Variants in CNTNAP5 observed in about 807,000 individuals in gnomAD.
The protein encoded by CNTNAP5 is contactin-associated protein-like 5.
In CNTNAP5, 72 loss-of-function variants were observed where a neutral mutation model predicts 150.2. The observed-to-expected ratio is 0.48, with a 90% confidence interval of 0.40 to 0.58. CNTNAP5 has a LOEUF of 0.58. CNTNAP5 is among the 20% of genes least tolerant of loss of function. The probability of loss-of-function intolerance (pLI) is 0.00; values close to 1 mark genes in which losing one functional copy is unlikely to be tolerated. For missense variants in CNTNAP5, 1,636 were observed against 1,626.2 expected (o/e 1.01, Z -0.10); for synonymous variants, 672 against 619.8 (o/e 1.08, Z -1.25).
At position 124,417,528 on chromosome 2, in the gene CNTNAP5, C is replaced by T; in HGVS notation, c.467C>T (p.Pro156Leu). 4 of 1,613,780 alleles carry T rather than the reference C, an allele frequency of 2.5e-6. No individual in the cohort carries two copies. The highest frequency in any genetic ancestry group is 3.4e-6 in the Non-Finnish European group (4 of 1,179,828). Residue 156 changes from proline (P) to leucine (L), a missense_variant, in exon 4 of 24, where the codon CCC becomes CTC. Physicochemically the swap from Pro to Leu is moderately conservative, Grantham distance 98. Transcript: ENST00000682447. ...SVRARFVRFV[P>L]LEWNPSGKIG... ...AGAGCCCGATTTGTTCGCTTTGTGCCCCTGGAATGGAATCCCAGTGGGAAG... is the reference window on the plus strand; with the variant it reads ...AGAGCCCGATTTGTTCGCTTTGTGCTCCTGGAATGGAATCCCAGTGGGAAG...
At chr2:124,401,856 C>A (rs1691434321) in intron 3 of CNTNAP5, among the ~76,000 whole-genome samples, 1 of 152,296 alleles carries the variant, frequency 6.6e-6, no homozygotes, top group African/African-American at 2.4e-5. Flanking sequence ...GGAAGCTGGG[C>A]TTTTCTGCCT....
rs760363439 is a variant in CNTNAP5 at position 124,647,789 on chromosome 2, C to T, written c.1908C>T (p.Asn636=). The T allele has an allele frequency of 8.1e-6, 13 of 1,611,292 alleles. No individual in the cohort carries two copies. The highest frequency in any genetic ancestry group is 1.1e-5 in the Non-Finnish European group (13 of 1,178,194). Residue 636 remains asparagine (N), a synonymous_variant, in exon 13 of 24, where the codon AAC becomes AAT. Transcript: ENST00000682447. ...AGATCTGGACATCAGTGCAGCACAA[C>T]AATACAGAGCTGACCCGAGTGCGGG... ...EDKIWTSVQH[N]NTELTRVRGA... is the part of the protein sequence containing the mutation.
chr2:124,386,950 G>T (rs1169609813), intron 3 of CNTNAP5, among the ~76,000 whole-genome samples: 3 of 152,172 alleles, frequency 2.0e-5, no homozygotes, highest in Non-Finnish European at 4.4e-5. Flanking sequence ...ATAATCAGAA[G>T]CCAGAGGGCT....
At chr2:124,606,921 T>C (rs528344542) in intron 11 of CNTNAP5, among the ~76,000 whole-genome samples, 1 of 152,096 alleles carries the variant, frequency 6.6e-6, no homozygotes, top group Non-Finnish European at 1.5e-5. Context: ...CGAAACCATA[T>C]TAAAAACTCA....
chr2:124,707,535 C>G (rs888845937), intron 13 of CNTNAP5, among the ~76,000 whole-genome samples: 1 of 147,078 alleles, frequency 6.8e-6, no homozygotes, highest in Non-Finnish European at 1.6e-5. Flanking sequence ...TTCACATACT[C>G]CACCCATCGC....
rs1303571129 is a variant in CNTNAP5 at position 124,535,307 on chromosome 2, G to A, written c.1649+7851G>A. ...TGCTGTTCCTGCGGTCTTTGCCTTT[G>A]CATCCTATGGAGACTTTTCGCTGTA... On this transcript the variant is annotated intron_variant, in intron 10 of 23. Transcript: ENST00000682447. Among the ~76,000 whole-genome samples the A allele has an allele frequency of 3.3e-5, 5 of 152,282 alleles. No homozygotes were observed. In the East Asian group the frequency reaches 5.8e-4, roughly 18 times the overall value.
At chr2:124,669,213 G>A (rs1380931857) in intron 13 of CNTNAP5, among the ~76,000 whole-genome samples, 2 of 152,108 alleles carry the variant, frequency 1.3e-5, no homozygotes, top group Non-Finnish European at 2.9e-5. Flanking sequence ...ACCTGCATTT[G>A]GGAGATATTA....
At chr2:124,270,081 C>T (rs773951990) in intron 3 of CNTNAP5, among the ~76,000 whole-genome samples, 3 of 152,000 alleles carry the variant, frequency 2.0e-5, no homozygotes, top group Admixed American at 6.6e-5. Context: ...TTTGGGAGGC[C>T]GAGGCGGGTG....
intron 19 of CNTNAP5, among the ~76,000 whole-genome samples, chr2:124,846,417 G>A (rs772147015): frequency 6.6e-5 from 10 of 152,054 alleles, no homozygotes; most frequent in Non-Finnish European, 1.3e-4. Context: ...TCATTTCCAG[G>A]AGTTGTAATT....
intron 13 of CNTNAP5, among the ~76,000 whole-genome samples, chr2:124,695,560 T>C (rs1679388530): frequency 6.6e-6 from 1 of 152,186 alleles, no homozygotes; most frequent in Non-Finnish European, 1.5e-5. Flanking sequence ...CTTCAAAATA[T>C]GCACCTAAAC....
chr2:124,407,263 A>C (rs933280283), intron 3 of CNTNAP5, among the ~76,000 whole-genome samples: 1 of 152,202 alleles, frequency 6.6e-6, no homozygotes, highest in Non-Finnish European at 1.5e-5. Context: ...ACCTGGCATC[A>C]ATTTCTTCTA....
At chr2:124,170,105 C>A (rs1418631532) in intron 1 of CNTNAP5, among the ~76,000 whole-genome samples, 1 of 152,074 alleles carries the variant, frequency 6.6e-6, no homozygotes, top group Non-Finnish European at 1.5e-5. Flanking sequence ...CTTAGAAAAG[C>A]AGGGTAATCA....
intron 10 of CNTNAP5, among the ~76,000 whole-genome samples, chr2:124,537,213 GA>G (rs767799305): frequency 6.6e-6 from 1 of 152,162 alleles, no homozygotes; most frequent in Non-Finnish European, 1.5e-5. Flanking sequence ...GCAACTCATG[GA>G]GTCTATTGGG....
chr2:124,503,287 T>C (rs1269388537), intron 7 of CNTNAP5, among the ~76,000 whole-genome samples: 3 of 152,196 alleles, frequency 2.0e-5, no homozygotes, highest in Non-Finnish European at 4.4e-5. Flanking sequence ...CAAACATGGT[T>C]GGCACCTACG....
At chr2:124,423,719 C>T (rs375313429) in intron 4 of CNTNAP5, among the ~76,000 whole-genome samples, 43 of 110,672 alleles carry the variant, frequency 3.9e-4, no homozygotes, top group African/African-American at 1.3e-3. Context: ...GGCTGGAGTG[C>T]AGTGGCGCAA....
At chr2:124,691,656 T>C (rs951365081) in intron 13 of CNTNAP5, among the ~76,000 whole-genome samples, 3 of 152,124 alleles carry the variant, frequency 2.0e-5, no homozygotes, top group Non-Finnish European at 4.4e-5. Flanking sequence ...CTGGCACCTA[T>C]TGAAAACTCA....
intron 7 of CNTNAP5, among the ~76,000 whole-genome samples, chr2:124,477,406 TG>T: frequency 6.6e-6 from 1 of 152,130 alleles, no homozygotes; most frequent in Admixed American, 6.6e-5. Flanking sequence ...AGGATGCTCA[TG>T]GGGAATCACA....
At chr2:124,671,831 A>T (rs1008176540) in intron 13 of CNTNAP5, among the ~76,000 whole-genome samples, 1 of 151,954 alleles carries the variant, frequency 6.6e-6, no homozygotes, top group Non-Finnish European at 1.5e-5. Context: ...GTAGAGACAG[A>T]GTTTCATTAT....
At chr2:124,055,353 C>T (rs1001887526) in intron 1 of CNTNAP5, among the ~76,000 whole-genome samples, 8 of 152,160 alleles carry the variant, frequency 5.3e-5, no homozygotes, top group African/African-American at 1.9e-4. Flanking sequence ...TGTCCTCCTC[C>T]TCATCTCCTC....
Sources: gnomAD v4.1 joint callset for allele counts (sites outside exome capture counted in the v4.1 genomes callset) on GRCh38, gnomAD v4.1.1 for gene constraint, MANE v1.5 for transcripts, NCBI Gene and HGNC (gene_info 2026-07-23, HGNC 2026-07-21) for gene names.